YAF2: variants seen among roughly 807,000 people sequenced by gnomAD.
YAF2 encodes YY1-associated factor 2.
YAF2 carries 7 observed loss-of-function variants against 20.1 expected under a neutral mutation model. The ratio of observed to expected loss-of-function variants is 0.35; its 90% confidence interval spans 0.20 to 0.65. The LOEUF is 0.65. Among genes scored for constraint, YAF2 ranks in the 30% least tolerant of loss-of-function variants. YAF2 has a pLI of 0.69. For missense variants in YAF2, 151 were observed against 219.2 expected (o/e 0.69, Z 1.96); for synonymous variants, 74 against 76.0 (o/e 0.97, Z 0.14).
At chr12:42,175,246 AT>A (rs2066149946) in intron 2 of YAF2, among the ~76,000 whole-genome samples, 1 of 152,172 alleles carries the variant, frequency 6.6e-6, no homozygotes, top group African/African-American at 2.4e-5. Flanking sequence ...AGTGAAAGAG[AT>A]TGGACCAAAA....
intron 2 of YAF2, among the ~76,000 whole-genome samples, chr12:42,179,808 AAG>A (rs1555151380): frequency 1.3e-5 from 2 of 151,522 alleles, no homozygotes. Flanking sequence ...AAAAAAAAAA[AAG>A]AAATCAGTAG....
At chr12:42,203,529 G>A (rs1473549266) in intron 2 of YAF2, among the ~76,000 whole-genome samples, 2 of 151,890 alleles carry the variant, frequency 1.3e-5, no homozygotes, top group East Asian at 3.9e-4. Flanking sequence ...TATTTGAAAG[G>A]TAGCCTTTAC....
At chr12:42,166,138 C>T (rs982550218) in intron 2 of YAF2, among the ~76,000 whole-genome samples, 1 of 152,104 alleles carries the variant, frequency 6.6e-6, no homozygotes, top group African/African-American at 2.4e-5. Context: ...GTCTTGAACG[C>T]CCAACCTCAG....
intron 2 of YAF2, among the ~76,000 whole-genome samples, chr12:42,228,659 G>T (rs1190663550): frequency 8.8e-6 from 1 of 113,250 alleles, no homozygotes; most frequent in South Asian, 3.3e-4. Context: ...AGGGAGGTGG[G>T]GGGGGGGTCA....
At chr12:42,160,857 G>C in intron 3 of YAF2, 31 bp from the exon 4 acceptor site, 1 of 1,550,094 alleles carries the variant, frequency 6.5e-7, no homozygotes, top group Non-Finnish European at 8.7e-7. Flanking sequence ...TTTTAAACTA[G>C]CTTTTCCCTC....
At chr12:42,188,758 T>G (rs1337751325) in intron 2 of YAF2, among the ~76,000 whole-genome samples, 4 of 151,664 alleles carry the variant, frequency 2.6e-5, no homozygotes. Flanking sequence ...ATAACCTATT[T>G]ACAAAAAAAA....
Position 42,161,772 on chromosome 12 carries a change from G to A in YAF2, c.153-7C>T. ...GGAGACAGGTCGAGGTTTCCTGTGT[G>A]CATGTTAAAAAGAAAGGTATTTTAA... On this transcript the variant is annotated splice_region_variant and splice_polypyrimidine_tract_variant and intron_variant, in intron 2 of 3. Transcript: ENST00000534854. 6.3e-7 allele frequency: 1 copy of A among 1,587,622 alleles called. No homozygotes were observed. The highest frequency in any genetic ancestry group is 8.5e-7 in the Non-Finnish European group (1 of 1,173,462).
At chr12:42,208,755 T>A (rs927532113) in intron 2 of YAF2, among the ~76,000 whole-genome samples, 1 of 152,260 alleles carries the variant, frequency 6.6e-6, no homozygotes, top group South Asian at 2.1e-4. Context: ...GAAATCAGAA[T>A]GCAGAAAAGG....
At chr12:42,236,763 AG>A (rs2068172538) in intron 2 of YAF2, among the ~76,000 whole-genome samples, 1 of 152,216 alleles carries the variant, frequency 6.6e-6, no homozygotes, top group Non-Finnish European at 1.5e-5. Flanking sequence ...AATAAATCAC[AG>A]GATTATATTT....
At chr12:42,191,086 A>T (rs905512929) in intron 2 of YAF2, among the ~76,000 whole-genome samples, 1 of 152,148 alleles carries the variant, frequency 6.6e-6, no homozygotes, top group Non-Finnish European at 1.5e-5. Flanking sequence ...TATGACTCAG[A>T]TTCTTTATAT....
At chr12:42,210,085 A>G (rs2067163114) in intron 2 of YAF2, among the ~76,000 whole-genome samples, 1 of 152,228 alleles carries the variant, frequency 6.6e-6, no homozygotes, top group South Asian at 2.1e-4. Context: ...AGTGTGAGTC[A>G]GCAAGCCCGG....
At chr12:42,220,099 T>C (rs1339304132) in intron 2 of YAF2, among the ~76,000 whole-genome samples, 2 of 152,126 alleles carry the variant, frequency 1.3e-5, no homozygotes, top group Admixed American at 1.3e-4. Flanking sequence ...GGCCCTAAAA[T>C]GGGAAAAAGT....
At chr12:42,236,856 T>C (rs2068176822) in intron 2 of YAF2, among the ~76,000 whole-genome samples, 1 of 152,234 alleles carries the variant, frequency 6.6e-6, no homozygotes, top group Admixed American at 6.5e-5. Flanking sequence ...TGACTGAATT[T>C]CCTGGATGAT....
intron 2 of YAF2, among the ~76,000 whole-genome samples, chr12:42,224,829 A>G (rs1280393642): frequency 6.6e-6 from 1 of 152,194 alleles, no homozygotes; most frequent in African/African-American, 2.4e-5. Context: ...TAGTGCTGCA[A>G]TAAACATACG....
chr12:42,171,516 A>G (rs116319646), intron 2 of YAF2, among the ~76,000 whole-genome samples: 1,930 of 151,216 alleles, frequency 0.013, 43 homozygotes, highest in African/African-American at 0.043. Context: ...AATTAAAAAA[A>G]AAAGAAAGAA....
chr12:42,211,817 G>A (rs1388327066), intron 2 of YAF2, among the ~76,000 whole-genome samples: 2 of 151,626 alleles, frequency 1.3e-5, no homozygotes, highest in Non-Finnish European at 2.9e-5. Context: ...GGGAGGCCGA[G>A]GTGGGCGGAT....
chr12:42,238,026 T>A, intron 1 of YAF2, 129 bp downstream of exon 1: 12 of 580,508 alleles, frequency 2.1e-5, no homozygotes, highest in Non-Finnish European at 2.3e-5. Flanking sequence ...GCGGCAGCAC[T>A]CGCACACCAG....
intron 2 of YAF2, among the ~76,000 whole-genome samples, chr12:42,201,920 C>A: frequency 6.6e-6 from 1 of 152,168 alleles, no homozygotes; most frequent in East Asian, 1.9e-4. Context: ...GCAACAAAAT[C>A]ATTTACCCTT....
At chr12:42,196,430 A>C (rs139517162) in intron 2 of YAF2, among the ~76,000 whole-genome samples, 13 of 152,266 alleles carry the variant, frequency 8.5e-5, no homozygotes, top group African/African-American at 3.1e-4. Context: ...AACGATTTGC[A>C]AGCCATGTTA....
Sources: allele counts gnomAD v4.1 joint callset (sites outside exome capture counted in the v4.1 genomes callset), GRCh38; gene constraint gnomAD v4.1.1; transcripts MANE v1.5; gene names NCBI Gene and HGNC (gene_info 2026-07-23, HGNC 2026-07-21).